The following KDM4B variants were observed in gnomAD, a reference collection of about 807,000 sequenced individuals.
KDM4B encodes the protein lysine demethylase 4B, also known as lysine-specific demethylase 4B.
Under a neutral mutation model 125.2 loss-of-function variants are expected in KDM4B, and 32 were observed. That is an observed-to-expected ratio of 0.26 (90% CI 0.19 to 0.34). The LOEUF (loss-of-function observed/expected upper bound fraction) is 0.34, where lower values mean the gene tolerates loss of function less well. Among genes scored for constraint, KDM4B ranks in the 10% least tolerant of loss-of-function variants. The probability of loss-of-function intolerance (pLI) is 1.00; values close to 1 mark genes in which losing one functional copy is unlikely to be tolerated. For synonymous variants in KDM4B, 721 were observed against 677.9 expected (o/e 1.06, Z -0.99); for missense variants, 1,190 against 1,577.7 (o/e 0.75, Z 4.16).
rs184023828 is a variant in KDM4B at position 4,976,459 on chromosome 19, A to G, written c.-109+7229A>G. Among the ~76,000 whole-genome samples, 27 of 152,308 alleles carry G rather than the reference A, an allele frequency of 1.8e-4. No homozygotes were observed. The East Asian group carries it at 5.2e-3, about 29-fold the overall frequency. ...ATTCACGCGGCTGCCTTTCTGTTAC[A>G]GCTCACCAAGCGTCAGAAGCACGTC... On this transcript the variant is annotated intron_variant, in intron 1 of 22. Transcript: ENST00000159111.
chr19:5,091,398 C>T (rs1048124384), intron 9 of KDM4B, among the ~76,000 whole-genome samples: 6 of 152,160 alleles, frequency 3.9e-5, no homozygotes, highest in African/African-American at 1.4e-4. Flanking sequence ...GGGGACATCT[C>T]GGGCTCTCTG....
chr19:5,133,481 C>T (rs928548909), intron 13 of KDM4B, among the ~76,000 whole-genome samples: 2 of 152,188 alleles, frequency 1.3e-5, no homozygotes, highest in Admixed American at 6.5e-5. Context: ...GACCCCAGGA[C>T]GGGTGTAGGG....
rs555237936 is a variant in KDM4B, at chr19:4,986,094, C to T, written c.-109+16864C>T. On this transcript the variant is annotated intron_variant, in intron 1 of 22. Coordinates refer to ENST00000159111, the MANE Select transcript of KDM4B (RefSeq NM_015015.3). ...TGGATTGGTCCCCTCTCTGGTGCCC[C>T]GGGGGAGTAGTGATGGATTCAGGAC... is the stretch of plus-strand genomic sequence containing the variant. Among the ~76,000 whole-genome samples the T allele has an allele frequency of 1.2e-3, 190 of 152,332 alleles. 2 individuals carry two copies. The highest frequency in any genetic ancestry group is 2.3e-3 in the African/African-American group (95 of 41,584).
intron 11 of KDM4B, among the ~76,000 whole-genome samples, chr19:5,125,968 A>G (rs1456604895): frequency 6.6e-6 from 1 of 152,214 alleles, no homozygotes; most frequent in Non-Finnish European, 1.5e-5. Context: ...CAGGGGCACG[A>G]CAGGAAATGC....
In KDM4B at chr19:5,078,913, C is replaced by G. The variant is rs2038205565; in HGVS notation, c.780+1443C>G. On this transcript the variant is annotated intron_variant, in intron 8 of 22. Transcript: ENST00000159111. This position sits in a 1 kb window ranked among gnomAD's most constrained non-coding sequence, Gnocchi z 4.5. ...TCCAGAGGCTGCCACAGTGAAGGCC[C>G]CTGTCCCACTGCAGCGAACAGCACC... The G allele has an allele frequency of 6.6e-6, 1 of 152,152 alleles. No individual in the cohort carries two copies. Among genetic ancestry groups the G allele is most frequent in the Non-Finnish European group, 1.5e-5 (1 of 68,060 alleles). 9.4% of individuals were successfully genotyped at this position (152,152 alleles called of 1,614,324 possible).
At chr19:5,050,450 G>T (rs1312302876) in intron 6 of KDM4B, among the ~76,000 whole-genome samples, 1 of 152,240 alleles carries the variant, frequency 6.6e-6, no homozygotes, top group Non-Finnish European at 1.5e-5. Flanking sequence ...CAGGCCGGGG[G>T]GGCCGGAGTG....
chr19:4,976,752 G>A (rs537746142), intron 1 of KDM4B, among the ~76,000 whole-genome samples: 133 of 152,306 alleles, frequency 8.7e-4, no homozygotes, highest in African/African-American at 3.1e-3. Context: ...ACAAGTGCCC[G>A]TCGGTGGCCA....
At chr19:5,041,031 C>A in intron 4 of KDM4B, 106 bp from the exon 5 acceptor site, 1 of 678,558 alleles carries the variant, frequency 1.5e-6, no homozygotes, top group Non-Finnish European at 2.6e-6. Flanking sequence ...CGGAGCAGAG[C>A]CCCTCCCGCC....
intron 6 of KDM4B, among the ~76,000 whole-genome samples, chr19:5,051,066 G>A (rs1262650555): frequency 3.9e-5 from 6 of 151,954 alleles, no homozygotes; most frequent in South Asian, 2.1e-4. Context: ...CTCCTGAGCC[G>A]CCCGGGCCAG....
In KDM4B at chr19:5,133,946, C is replaced by T; in HGVS notation, c.1970C>T (p.Ser657Phe). ...SDPDALRPLL[S>F]LQWKNRAASF... The stretch of plus-strand genomic sequence containing the variant: ...CCGGACGCCTTGAGGCCGCTGCTGT[C>T]TCTGCAGTGGAAGAACAGGGCGGCC... Residue 657 changes from serine to phenylalanine, a missense_variant, in exon 14 of 23, where the codon TCT becomes TTT. Physicochemically the swap from Ser to Phe is radical, Grantham distance 155 (BLOSUM62 -2). This residue lies in a region of KDM4B where 128 missense variants were observed against 137.8 expected (regional missense o/e 0.93). Transcript: ENST00000159111. 1.2e-6 allele frequency: 2 copies of T among 1,613,138 alleles called. No individual in the cohort carries two copies. The highest frequency in any genetic ancestry group is 1.7e-6 in the Non-Finnish European group (2 of 1,179,946).
rs1172560104 is a variant in KDM4B at position 5,131,165 on chromosome 19, C to T, written c.1405C>T (p.Pro469Ser). Residue 469 changes from proline to serine, a missense_variant, in exon 12 of 23, where the codon CCG (proline) becomes TCG (serine). Transcript: ENST00000159111. The stretch of plus-strand genomic sequence containing the variant: ...CCTGCTGCCCCCACAGCTGCCGCCC[C>T]CGCCTGCTCACTTCCCCTCAGAGGA... ...FGLLPPQLPPPPAHFPSEEAL... is the reference protein window; with the variant it reads ...FGLLPPQLPPSPAHFPSEEAL... The T allele has an allele frequency of 6.3e-7, 1 of 1,577,424 alleles. No individual in the cohort carries two copies.
intron 6 of KDM4B, among the ~76,000 whole-genome samples, chr19:5,062,342 T>A (rs760077807): frequency 6.6e-6 from 1 of 152,236 alleles, no homozygotes; most frequent in Non-Finnish European, 1.5e-5. Context: ...GGGCGACCCA[T>A]CCTCCTGGGG....
chr19:5,130,932 C>A (rs1420097079), intron 11 of KDM4B, 144 bp from the exon 12 acceptor site: 5 of 625,626 alleles, frequency 8.0e-6, no homozygotes, highest in African/African-American at 7.3e-5. Flanking sequence ...AGCCTGTGTT[C>A]TCTGCCCACC....
At chr19:5,129,499 G>A (rs1444276756) in intron 11 of KDM4B, among the ~76,000 whole-genome samples, 1 of 152,220 alleles carries the variant, frequency 6.6e-6, no homozygotes, top group Non-Finnish European at 1.5e-5. Flanking sequence ...ACCAGACCCC[G>A]TTAAGTGCCA....
chr19:5,010,807 C>G (rs1340800587), intron 1 of KDM4B, among the ~76,000 whole-genome samples: 1 of 152,136 alleles, frequency 6.6e-6, no homozygotes, highest in South Asian at 2.1e-4. Flanking sequence ...ACCATCACAC[C>G]TGGCTAATTT....
intron 1 of KDM4B, among the ~76,000 whole-genome samples, chr19:4,981,215 C>T (rs1355572598): frequency 2.0e-5 from 3 of 152,170 alleles, no homozygotes; most frequent in African/African-American, 4.8e-5. Context: ...CAGCTGACCA[C>T]AGCTCTGACT....
At chr19:5,070,298 C>A (rs1039390673) in intron 6 of KDM4B, among the ~76,000 whole-genome samples, 1 of 152,162 alleles carries the variant, frequency 6.6e-6, no homozygotes, top group African/African-American at 2.4e-5. Context: ...GCTCCTGGTG[C>A]CCACCCTCCC....
intron 10 of KDM4B, among the ~76,000 whole-genome samples, chr19:5,116,582 A>G (rs1351003240): frequency 6.6e-6 from 1 of 152,170 alleles, no homozygotes; most frequent in Non-Finnish European, 1.5e-5. Context: ...ATCATGGGAG[A>G]AGGAACCAAG....
chr19:4,984,178 G>A (rs1599354555), intron 1 of KDM4B, among the ~76,000 whole-genome samples: 1 of 152,298 alleles, frequency 6.6e-6, no homozygotes, highest in Non-Finnish European at 1.5e-5. Context: ...AGCATCCACC[G>A]AGCGGAGGCT....
Sources: allele counts gnomAD v4.1 joint callset (sites outside exome capture counted in the v4.1 genomes callset), GRCh38; gene constraint gnomAD v4.1.1; regional missense constraint gnomAD v4.1.1; non-coding constraint Gnocchi (gnomAD v3.1); transcripts MANE v1.5; gene names NCBI Gene and HGNC (gene_info 2026-07-23, HGNC 2026-07-21).